The following LARGE1 variants were observed in gnomAD, a reference collection of about 807,000 sequenced individuals.
The protein encoded by LARGE1 is LARGE xylosyl- and glucuronyltransferase 1.
LARGE1 carries 43 observed loss-of-function variants against 87.6 expected under a neutral mutation model. The ratio of observed to expected loss-of-function variants is 0.49; its 90% CI spans 0.38 to 0.63. The LOEUF (loss-of-function observed/expected upper bound fraction) is 0.63, where lower values mean the gene tolerates loss of function less well. LARGE1 is among the 30% of genes least tolerant of loss of function. The probability of loss-of-function intolerance (pLI) is 0.00; values close to 1 mark genes in which losing one functional copy is unlikely to be tolerated. For synonymous variants in LARGE1, 434 were observed against 394.6 expected (o/e 1.10, Z -1.18); for missense variants, 802 against 1,000.2 (o/e 0.80, Z 2.67).
chr22:33,269,431 A>C (rs1041848034), downstream of LARGE1, among the ~76,000 whole-genome samples: 9 of 152,222 alleles, frequency 5.9e-5, no homozygotes, highest in Non-Finnish European at 1.2e-4. Flanking sequence ...TTGCATTCAT[A>C]ATGTCCACCA....
At chr22:33,603,436 T>C (rs1244097569) in intron 5 of LARGE1, among the ~76,000 whole-genome samples, 1 of 152,130 alleles carries the variant, frequency 6.6e-6, no homozygotes, top group African/African-American at 2.4e-5. Flanking sequence ...TAGAAAAGAA[T>C]AAGATGCGGC....
intron 9 of LARGE1, among the ~76,000 whole-genome samples, chr22:33,347,379 G>T (rs906231767): frequency 7.9e-5 from 12 of 152,184 alleles, no homozygotes; most frequent in African/African-American, 2.9e-4. Context: ...GTATTCAGTA[G>T]CTGCCCTTTG....
chr22:33,410,697 G>A (rs2066278908), intron 7 of LARGE1, among the ~76,000 whole-genome samples: 1 of 151,910 alleles, frequency 6.6e-6, no homozygotes, highest in Non-Finnish European at 1.5e-5. Context: ...GTGTGAGAAT[G>A]GACTCATATA....
At chr22:33,693,966 A>G (rs1410416726) in intron 2 of LARGE1, among the ~76,000 whole-genome samples, 1 of 152,120 alleles carries the variant, frequency 6.6e-6, no homozygotes. Context: ...GCCAGTGACC[A>G]TTTTACTCAG....
intron 1 of LARGE1, among the ~76,000 whole-genome samples, chr22:33,860,920 A>G (rs10854638): frequency 0.21 from 31,924 of 152,048 alleles, 4,082 homozygotes; most frequent in East Asian, 0.32. Flanking sequence ...TGCCACCACA[A>G]CCACGACCCT....
intron 2 of LARGE1, among the ~76,000 whole-genome samples, chr22:33,693,955 A>C (rs1330643209): frequency 1.3e-5 from 2 of 152,192 alleles, no homozygotes; most frequent in African/African-American, 4.8e-5. Flanking sequence ...ACCCAGGTGT[A>C]GCCAGTGACC....
At chr22:33,222,260 T>C (rs973861272) in intron 11 of LARGE1, among the ~76,000 whole-genome samples, 9 of 152,024 alleles carry the variant, frequency 5.9e-5, no homozygotes, top group Non-Finnish European at 1.3e-4. Context: ...TGCACCTGAG[T>C]GCTCCAACAG....
intron 5 of LARGE1, among the ~76,000 whole-genome samples, chr22:33,572,745 C>T (rs1374533532): frequency 6.6e-6 from 1 of 152,084 alleles, no homozygotes; most frequent in African/African-American, 2.4e-5. Flanking sequence ...TGGCGCATGC[C>T]TGTAATCCCA....
At chr22:33,269,271 T>G (rs1928120154), downstream of LARGE1, among the ~76,000 whole-genome samples, 1 of 152,242 alleles carries the variant, frequency 6.6e-6, no homozygotes, top group Admixed American at 6.5e-5. Context: ...GTTTTCAAAC[T>G]TACAGTTTCA....
At chr22:33,218,841 T>C (rs1170580620) in intron 11 of LARGE1, among the ~76,000 whole-genome samples, 1 of 152,228 alleles carries the variant, frequency 6.6e-6, no homozygotes, top group Non-Finnish European at 1.5e-5. Context: ...AGTGGTTGCA[T>C]GGAAGCGGAA....
chr22:33,240,064 A>C (rs1926442947), intron 11 of LARGE1, among the ~76,000 whole-genome samples: 1 of 152,236 alleles, frequency 6.6e-6, no homozygotes, highest in African/African-American at 2.4e-5. Flanking sequence ...ACTTTGTAAG[A>C]AACTGCCAAA....
chr22:33,372,900 A>G (rs1601618632), intron 9 of LARGE1, among the ~76,000 whole-genome samples: 1 of 152,202 alleles, frequency 6.6e-6, no homozygotes, highest in East Asian at 1.9e-4. Context: ...CATAAGTAGG[A>G]GAGTAATATG....
chr22:33,103,193 G>A, the LARGE1 span, among the ~76,000 whole-genome samples: 1 of 152,038 alleles, frequency 6.6e-6, no homozygotes, highest in Non-Finnish European at 1.5e-5. Flanking sequence ...CAACACTTTG[G>A]GAGGCCGAGA....
At chr22:33,211,119 C>T (rs996721847) in intron 11 of LARGE1, among the ~76,000 whole-genome samples, 1 of 152,076 alleles carries the variant, frequency 6.6e-6, no homozygotes, top group African/African-American at 2.4e-5. Flanking sequence ...ATATCTGTTA[C>T]AGTGATCTGC....
intron 6 of LARGE1, among the ~76,000 whole-genome samples, chr22:33,529,523 G>A (rs2148561366): frequency 6.6e-6 from 1 of 152,358 alleles, no homozygotes; most frequent in South Asian, 2.1e-4. Flanking sequence ...AACCGGGTCA[G>A]AAAGTACTAA....
intron 1 of LARGE1, among the ~76,000 whole-genome samples, chr22:33,851,945 G>A (rs2063595161): frequency 1.3e-5 from 2 of 152,300 alleles, no homozygotes; most frequent in South Asian, 4.1e-4. Context: ...GCTTTTATCT[G>A]TGCTCAGTGT....
chr22:33,728,793 T>C (rs1177144568), intron 2 of LARGE1, among the ~76,000 whole-genome samples: 1 of 152,144 alleles, frequency 6.6e-6, no homozygotes, highest in African/African-American at 2.4e-5. Context: ...ACTCAATAAT[T>C]ATCAAGTCTA....
In LARGE1 at chr22:33,277,128, C is replaced by T; in HGVS notation, c.2005G>A (p.Glu669Lys). ...PYVVVRRDCPEYDRRFVGFGW... is the reference protein window; with the variant it reads ...PYVVVRRDCPKYDRRFVGFGW... ...AAGCCTACAAACCTCCGGTCGTACT[C>T]CGGGCAGTCACGTCTCACAACAACA... The change falls in exon 14 of 15, where the codon GAG (glutamate) becomes AAG (lysine). Residue 669 changes from glutamate to lysine, a missense_variant. Physicochemically the swap from Glu to Lys is moderately conservative, Grantham distance 56. Around this residue, in one of 2 missense-constraint regions of LARGE1, gnomAD observed 625 missense variants for 841.9 expected, o/e 0.74. Transcript: ENST00000397394. 1 of 1,614,256 alleles carries T rather than the reference C, an allele frequency of 6.2e-7. No individual in the cohort carries two copies. The highest frequency in any genetic ancestry group is 8.5e-7 in the Non-Finnish European group (1 of 1,180,048).
chr22:33,542,139 GCAA>G (rs1265769073), intron 6 of LARGE1, among the ~76,000 whole-genome samples: 1 of 120,936 alleles, frequency 8.3e-6, no homozygotes, highest in Non-Finnish European at 1.6e-5. Context: ...TCCAGCCTGA[GCAA>G]CAAGAGCAAA....
Sources: allele counts gnomAD v4.1 joint callset (sites outside exome capture counted in the v4.1 genomes callset), GRCh38; gene constraint gnomAD v4.1.1; regional missense constraint gnomAD v4.1.1; transcripts MANE v1.5; gene names NCBI Gene and HGNC (gene_info 2026-07-23, HGNC 2026-07-21).